PTPRD: variants seen among roughly 807,000 people sequenced by gnomAD.
PTPRD encodes the protein protein tyrosine phosphatase receptor type D.
Under a neutral mutation model 214.5 loss-of-function variants are expected in PTPRD, and 34 were observed. The observed-to-expected ratio is 0.16, with a 90% CI of 0.12 to 0.21. The LOEUF (loss-of-function observed/expected upper bound fraction) is 0.21, where lower values mean the gene tolerates loss of function less well. Among genes scored for constraint, PTPRD ranks in the 10% least tolerant of loss-of-function variants. The pLI is 1.00. For synonymous variants in PTPRD, 1,128 were observed against 845.7 expected (o/e 1.33, Z -5.79); for missense variants, 2,545 against 2,398.7 (o/e 1.06, Z -1.27).
chr9:8,953,737 A>G (rs2099116140), intron 11 of PTPRD, among the ~76,000 whole-genome samples: 1 of 152,100 alleles, frequency 6.6e-6, no homozygotes, highest in African/African-American at 2.4e-5. Context: ...ACCCACAAAC[A>G]TATGAAAAAA....
intron 9 of PTPRD, among the ~76,000 whole-genome samples, chr9:9,201,469 G>A (rs1031743257): frequency 1.3e-5 from 2 of 152,036 alleles, no homozygotes; most frequent in Non-Finnish European, 1.5e-5. Context: ...TAAGAACAAT[G>A]TAAATGTTAA....
chr9:8,734,387 G>A (rs368394141), intron 11 of PTPRD, among the ~76,000 whole-genome samples: 1 of 152,242 alleles, frequency 6.6e-6, no homozygotes, highest in African/African-American at 2.4e-5. Context: ...CACAATAATG[G>A]AAGCTGCTTT....
intron 5 of PTPRD, chr9:9,799,688 A>T (rs1231239631): frequency 6.6e-6 from 1 of 152,190 alleles, no homozygotes; most frequent in African/African-American, 2.4e-5. Flanking sequence ...GGGGGTAAGC[A>T]TTAGAGGAAG....
intron 10 of PTPRD, among the ~76,000 whole-genome samples, chr9:9,096,272 T>C (rs557951251): frequency 5.3e-4 from 81 of 152,326 alleles, no homozygotes; most frequent in African/African-American, 1.9e-3. Flanking sequence ...ATATGTTAAT[T>C]TGCTTCAATA....
chr9:9,708,068 A>T (rs1251271985), intron 7 of PTPRD, among the ~76,000 whole-genome samples: 3 of 152,118 alleles, frequency 2.0e-5, no homozygotes, highest in Admixed American at 2.0e-4. Flanking sequence ...TTTCAATGAC[A>T]AAGAGATGTC....
At chr9:9,288,556 T>A (rs995709204) in intron 9 of PTPRD, among the ~76,000 whole-genome samples, 1 of 152,062 alleles carries the variant, frequency 6.6e-6, no homozygotes, top group South Asian at 2.1e-4. Context: ...AAATTATTAA[T>A]CAATATTGTG....
intron 2 of PTPRD, among the ~76,000 whole-genome samples, chr9:10,362,298 G>A (rs750368511): frequency 2.7e-5 from 4 of 150,902 alleles, no homozygotes; most frequent in Non-Finnish European, 5.9e-5. Context: ...TGTGTATTTC[G>A]GCCCCATTGA....
chr9:10,037,597 A>C (rs2097209610), intron 3 of PTPRD, among the ~76,000 whole-genome samples: 1 of 151,298 alleles, frequency 6.6e-6, no homozygotes. Flanking sequence ...AAAAAAAAAA[A>C]AACAAGCTAA....
intron 7 of PTPRD, among the ~76,000 whole-genome samples, chr9:9,672,371 T>C (rs2096848523): frequency 1.3e-5 from 2 of 152,128 alleles, no homozygotes; most frequent in African/African-American, 4.8e-5. Flanking sequence ...TTATCTACAT[T>C]TAGGTATTGG....
intron 9 of PTPRD, among the ~76,000 whole-genome samples, chr9:9,321,846 C>A (rs1458634201): frequency 6.6e-6 from 1 of 152,122 alleles, no homozygotes; most frequent in Non-Finnish European, 1.5e-5. Context: ...TAGCACACAG[C>A]AAGAGCTAAA....
chr9:10,452,283 TG>T (rs904702713), intron 2 of PTPRD, among the ~76,000 whole-genome samples: 1 of 151,866 alleles, frequency 6.6e-6, no homozygotes, highest in Non-Finnish European at 1.5e-5. Context: ...TCAGGGAACA[TG>T]GGGGTACAGA....
chr9:9,774,019 A>G (rs970516650), intron 5 of PTPRD, among the ~76,000 whole-genome samples: 7 of 152,214 alleles, frequency 4.6e-5, no homozygotes, highest in African/African-American at 1.7e-4. Flanking sequence ...AACATGAAAA[A>G]TAGGCTGGAC....
At chr9:9,135,019 T>C (rs1004272572) in intron 10 of PTPRD, among the ~76,000 whole-genome samples, 2 of 152,224 alleles carry the variant, frequency 1.3e-5, no homozygotes, top group African/African-American at 4.8e-5. Context: ...TGGACTCATA[T>C]GCGCTTTATG....
At chr9:9,935,841 C>T (rs1411503579) in intron 5 of PTPRD, among the ~76,000 whole-genome samples, 1 of 149,228 alleles carries the variant, frequency 6.7e-6, no homozygotes, top group Non-Finnish European at 1.5e-5. Flanking sequence ...TACAAGGCTA[C>T]AGTAACCAAA....
rs757358352 is a variant in PTPRD, at chr9:8,339,062, G to T, written c.5254-15C>A. The T allele has an allele frequency of 1.8e-5, 29 of 1,607,562 alleles. No individual in the cohort carries two copies. The East Asian group carries it at 6.3e-4, about 35-fold the overall frequency. On this transcript the variant is annotated splice_polypyrimidine_tract_variant and intron_variant, in intron 42 of 45. Transcript: ENST00000381196. ...TGACATTTCTCCTAAAAGGAGAGAA[G>T]ATTAATGTTAAACTATGCAAAGTAT...
chr9:9,458,282 G>A (rs2093286325), intron 8 of PTPRD, among the ~76,000 whole-genome samples: 1 of 151,832 alleles, frequency 6.6e-6, no homozygotes, highest in Non-Finnish European at 1.5e-5. Flanking sequence ...CACTTCATAT[G>A]TTCATTATTA....
chr9:9,038,558 T>C (rs1028480234), intron 10 of PTPRD, among the ~76,000 whole-genome samples: 9 of 150,236 alleles, frequency 6.0e-5, no homozygotes, highest in Admixed American at 1.3e-4. Flanking sequence ...TAACGGTTTT[T>C]TTTTTTTTTT....
chr9:10,331,538 A>G (rs1015315671), intron 3 of PTPRD, among the ~76,000 whole-genome samples: 6 of 151,804 alleles, frequency 4.0e-5, no homozygotes, highest in Admixed American at 1.3e-4. Flanking sequence ...GATGGTTCAT[A>G]AAGAATTTGG....
chr9:9,181,211 A>G (rs1373637002), intron 10 of PTPRD, among the ~76,000 whole-genome samples: 2 of 151,976 alleles, frequency 1.3e-5, no homozygotes, highest in Non-Finnish European at 2.9e-5. Context: ...GATTTCAATA[A>G]TAATCATTGT....
Sources: allele counts gnomAD v4.1 joint callset (sites outside exome capture counted in the v4.1 genomes callset), GRCh38; gene constraint gnomAD v4.1.1; transcripts MANE v1.5; gene names NCBI Gene and HGNC (gene_info 2026-07-23, HGNC 2026-07-21).